The following TACC2 variants were observed in gnomAD, a reference collection of about 807,000 sequenced individuals.
The protein encoded by TACC2 is transforming acidic coiled-coil containing protein 2.
Under a neutral mutation model 227.3 loss-of-function variants are expected in TACC2, and 137 were observed. That is an observed-to-expected ratio of 0.60 (90% CI 0.52 to 0.69). The LOEUF (loss-of-function observed/expected upper bound fraction) is 0.69, where lower values mean the gene tolerates loss of function less well. Among genes scored for constraint, TACC2 ranks in the 30% least tolerant of loss-of-function variants. The pLI is 0.00. For synonymous variants in TACC2, 1,523 were observed against 1,487.5 expected (o/e 1.02, Z -0.55); for missense variants, 3,470 against 3,694.4 (o/e 0.94, Z 1.57).
intron 5 of TACC2, among the ~76,000 whole-genome samples, chr10:122,092,205 C>A (rs1023810014): frequency 2.6e-5 from 4 of 152,184 alleles, no homozygotes; most frequent in African/African-American, 9.6e-5. Flanking sequence ...TGAATTCTTT[C>A]TCTGCTAAAA....
intron 5 of TACC2, among the ~76,000 whole-genome samples, chr10:122,128,455 G>A (rs1288186267): frequency 6.6e-6 from 1 of 152,184 alleles, no homozygotes; most frequent in Non-Finnish European, 1.5e-5. Flanking sequence ...GAATATGTGG[G>A]CAGATATCTT....
At chr10:122,251,730 A>G (rs140853834) in intron 22 of TACC2, among the ~76,000 whole-genome samples, 146 of 152,226 alleles carry the variant, frequency 9.6e-4, no homozygotes, top group Admixed American at 2.0e-3. Context: ...AGAAATAAAA[A>G]CCATACTTCA....
chr10:122,181,363 A>G (rs2140283819), intron 7 of TACC2, among the ~76,000 whole-genome samples: 1 of 152,244 alleles, frequency 6.6e-6, no homozygotes, highest in Admixed American at 6.5e-5. Flanking sequence ...GCCGTGCTTT[A>G]TGTTTCTTTA....
At chr10:122,251,431 G>A (rs1193935411) in intron 22 of TACC2, among the ~76,000 whole-genome samples, 1 of 152,126 alleles carries the variant, frequency 6.6e-6, no homozygotes, top group Non-Finnish European at 1.5e-5. Context: ...TATTTATTGA[G>A]CATCATTATG....
chr10:122,176,584 T>A (rs11200454), intron 7 of TACC2, among the ~76,000 whole-genome samples: 14,669 of 132,640 alleles, frequency 0.11, 793 homozygotes, highest in Middle Eastern at 0.15. Flanking sequence ...AAATATAGAT[T>A]TTTTTTTCTC....
At chr10:122,228,226 C>T (rs1313090351) in intron 14 of TACC2, among the ~76,000 whole-genome samples, 4 of 152,236 alleles carry the variant, frequency 2.6e-5, no homozygotes, top group Non-Finnish European at 5.9e-5. Context: ...GCATTTCCCA[C>T]TTAAGTACTT....
In TACC2 at chr10:122,180,020, G is replaced by GGCTGCAGTGAGCCATGATTGCGCC. The variant is rs1252998936; in HGVS notation, c.5835-15019_5835-14996dup. On this transcript the variant is annotated intron_variant, in intron 7 of 22. Transcript: ENST00000369005. The surrounding 1 kb of genome is among the most constrained non-coding windows in gnomAD (Gnocchi z 4.5). Reference sequence around the variant, plus strand: ...GGATCGCTTGAGCCCAAGAGGTCGAGGCTGCAGTGAGCCATGATTGCGCCA... The same window carrying GGCTGCAGTGAGCCATGATTGCGCC: ...GGATCGCTTGAGCCCAAGAGGTCGAGGCTGCAGTGAGCCATGATTGCGCCGCTGCAGTGAGCCATGATTGCGCCA... 6.6e-6 allele frequency among the ~76,000 whole-genome samples: 1 copy of GGCTGCAGTGAGCCATGATTGCGCC among 152,084 alleles called. No individual in the cohort carries two copies. The highest frequency in any genetic ancestry group is 1.9e-4 in the East Asian group (1 of 5,154).
chr10:122,082,508 A>C, intron 3 of TACC2, 139 bp from the exon 4 acceptor site: 2 of 890,070 alleles, frequency 2.2e-6, no homozygotes, highest in Non-Finnish European at 3.5e-6. Flanking sequence ...ACAGAGAGGA[A>C]TGAGCTGCAT....
chr10:122,154,937 G>A (rs1299404289), intron 7 of TACC2, among the ~76,000 whole-genome samples: 1 of 152,180 alleles, frequency 6.6e-6, no homozygotes, highest in African/African-American at 2.4e-5. Context: ...GCAGTTCTGA[G>A]CCTCAGCGCC....
chr10:122,187,855 G>A (rs924887476), intron 7 of TACC2, among the ~76,000 whole-genome samples: 1 of 152,100 alleles, frequency 6.6e-6, no homozygotes, highest in Non-Finnish European at 1.5e-5. Context: ...ATAATAATGG[G>A]GAGGCATTAT....
chr10:122,178,235 CTTTCTTT>C (rs2093813623), intron 7 of TACC2, among the ~76,000 whole-genome samples: 1 of 132,366 alleles, frequency 7.6e-6, no homozygotes, highest in Admixed American at 7.3e-5. Context: ...TTTTTTCTTT[CTTTCTTT>C]TTTTTTTTTT....
chr10:122,080,644 T>C (rs147550203), intron 3 of TACC2, among the ~76,000 whole-genome samples: 3 of 152,148 alleles, frequency 2.0e-5, no homozygotes, highest in African/African-American at 4.8e-5. Context: ...TACAGTCACA[T>C]TGGGGATTAG....
At chr10:122,089,960 C>T (rs913608818) in intron 5 of TACC2, among the ~76,000 whole-genome samples, 4 of 152,088 alleles carry the variant, frequency 2.6e-5, no homozygotes, top group African/African-American at 4.8e-5. Context: ...GATACAATTT[C>T]CTGCAGCCTT....
Position 122,087,432 on chromosome 10 carries a change from T to C in TACC2, c.4932T>C (p.Pro1644=). The change falls in exon 4 of 23, where the codon CCT becomes CCC. Residue 1644 remains proline, a synonymous_variant. Coordinates refer to ENST00000369005, the MANE Select transcript of TACC2 (RefSeq NM_206862.4). Reference sequence around the variant, plus strand: ...CTCAGAGGGAGGTTTTGACTGTGCCTGAGGCCAACAGTGAGCCCTGGACCC... The same window carrying C: ...CTCAGAGGGAGGTTTTGACTGTGCCCGAGGCCAACAGTGAGCCCTGGACCC... ...PSPQREVLTV[P]EANSEPWTLD... 2 of 1,614,048 alleles carry C rather than the reference T, an allele frequency of 1.2e-6. No individual in the cohort carries two copies. The highest frequency in any genetic ancestry group is 1.7e-6 in the Non-Finnish European group (2 of 1,180,036).
Position 122,083,894 on chromosome 10 carries a change from T to C in TACC2, c.1394T>C (p.Leu465Ser). The C allele has an allele frequency of 6.2e-7, 1 of 1,614,110 alleles. No homozygotes were observed. Among genetic ancestry groups the C allele is most frequent in the Non-Finnish European group, 8.5e-7 (1 of 1,180,010 alleles). The change falls in exon 4 of 23, where the codon TTG becomes TCG. Residue 465 changes from leucine to serine, a missense_variant. This residue lies in a region of TACC2 where 1,924 missense variants were observed against 1,978.3 expected (regional missense o/e 0.97). Transcript: ENST00000369005. ...DAAKEVVDAG[L>S]VGLERQVSDL... ...GCCAAAGAGGTGGTGGATGCAGGGTTGGTGGGACTGGAGAGGCAGGTGTCA... is the reference window on the plus strand; with the variant it reads ...GCCAAAGAGGTGGTGGATGCAGGGTCGGTGGGACTGGAGAGGCAGGTGTCA...
At chr10:122,003,592 G>A (rs1457102402) in intron 1 of TACC2, among the ~76,000 whole-genome samples, 3 of 151,928 alleles carry the variant, frequency 2.0e-5, no homozygotes, top group Non-Finnish European at 4.4e-5. Flanking sequence ...CCGGATGTGG[G>A]CCAAGATAAC....
Position 122,058,934 on chromosome 10 carries a change from C to A in TACC2, c.146+8384C>A, listed in dbSNP as rs1726771665. On this transcript the variant is annotated intron_variant, in intron 3 of 22. Transcript: ENST00000369005. The stretch of plus-strand genomic sequence containing the variant: ...TGAGACACGGTTTCGTTTTTGGTGT[C>A]CATGATGGAGTGCAGTGGCGCAATC... 2.0e-5 allele frequency among the ~76,000 whole-genome samples: 3 copies of A among 150,154 alleles called. No individual in the cohort carries two copies. In the South Asian group the frequency reaches 6.4e-4, roughly 32 times the overall value.
intron 2 of TACC2, among the ~76,000 whole-genome samples, chr10:122,043,030 A>T (rs557612505): frequency 6.6e-6 from 1 of 152,282 alleles, no homozygotes; most frequent in South Asian, 2.1e-4. Context: ...CCTATCACCC[A>T]CTGAGGTAGG....
chr10:121,992,671 T>G (rs1005893553), intron 1 of TACC2, among the ~76,000 whole-genome samples: 1 of 152,078 alleles, frequency 6.6e-6, no homozygotes, highest in African/African-American at 2.4e-5. Flanking sequence ...AATAGGTGAA[T>G]TGGTTGGGCA....
Sources: allele counts gnomAD v4.1 joint callset (sites outside exome capture counted in the v4.1 genomes callset), GRCh38; gene constraint gnomAD v4.1.1; regional missense constraint gnomAD v4.1.1; non-coding constraint Gnocchi (gnomAD v3.1); transcripts MANE v1.5; gene names NCBI Gene and HGNC (gene_info 2026-07-23, HGNC 2026-07-21).